PHACTR3: variants seen among roughly 807,000 people sequenced by gnomAD.
PHACTR3 encodes the protein phosphatase and actin regulator 3.
A neutral mutation model predicts 66.8 loss-of-function variants in PHACTR3; 16 were observed. The observed-to-expected ratio is 0.24, with a 90% CI of 0.16 to 0.36. The LOEUF (loss-of-function observed/expected upper bound fraction) is 0.36. PHACTR3 is among the 10% of genes least tolerant of loss of function. PHACTR3 has a pLI of 1.00. For missense variants in PHACTR3, 647 were observed against 719.9 expected, an observed-to-expected ratio of 0.90 and a Z score of 1.16; for synonymous variants, 323 against 292.1, an observed-to-expected ratio of 1.11 and a Z score of -1.08.
chr20:59,824,565 TCCTTTA>T, intron 8 of PHACTR3, among the ~76,000 whole-genome samples: 1 of 152,288 alleles, frequency 6.6e-6, no homozygotes, highest in East Asian at 1.9e-4. Flanking sequence ...TGAACACAGG[TCCTTTA>T]GGCCCAATGG....
chr20:59,743,898 G>T (rs1053733621), intron 2 of PHACTR3, among the ~76,000 whole-genome samples: 7 of 152,176 alleles, frequency 4.6e-5, no homozygotes, highest in Admixed American at 1.3e-4. Flanking sequence ...AAAGCATCCA[G>T]AAGGTTCCTC....
intron 1 of PHACTR3, among the ~76,000 whole-genome samples, chr20:59,723,162 C>T (rs1397048391): frequency 6.2e-5 from 9 of 145,402 alleles, no homozygotes; most frequent in African/African-American, 2.3e-4. Context: ...ACAATTCACC[C>T]TTATACAGTT....
At chr20:59,748,766 C>A (rs1378069491) in intron 3 of PHACTR3, among the ~76,000 whole-genome samples, 2 of 151,402 alleles carry the variant, frequency 1.3e-5, no homozygotes, top group Non-Finnish European at 2.9e-5. Context: ...CCATGCATAG[C>A]CAGTTTCCTG....
chr20:59,692,014 G>A (rs2037125130), intron 1 of PHACTR3, among the ~76,000 whole-genome samples: 1 of 152,202 alleles, frequency 6.6e-6, no homozygotes. Context: ...TTAGAAGAAA[G>A]GACAAAGCTG....
Position 59,755,299 on chromosome 20 carries a change from C to T in PHACTR3, c.476C>T (p.Ala159Val). The change falls in exon 4 of 13, where the codon GCC becomes GTC. Residue 159 changes from alanine (A) to valine (V), a missense_variant. By Grantham distance (64) the Ala-to-Val change is moderately conservative. Around this residue, in one of 2 missense-constraint regions of PHACTR3, gnomAD observed 577 missense variants for 571.1 expected, o/e 1.01. Transcript: ENST00000371015. ...GATGCCCAGCCCGGAAGCCCCTTGG[C>T]CACTGGGACGGACCAGGTCTCCCTG... ...SEDAQPGSPLATGTDQVSLDK... is the reference protein window; with the variant it reads ...SEDAQPGSPLVTGTDQVSLDK... The T allele has an allele frequency of 6.2e-7, 1 of 1,613,264 alleles. No homozygotes were observed. Among genetic ancestry groups the T allele is most frequent in the Non-Finnish European group, 8.5e-7 (1 of 1,179,976 alleles).
At chr20:59,750,458 C>T (rs1195636331) in intron 3 of PHACTR3, among the ~76,000 whole-genome samples, 5 of 152,078 alleles carry the variant, frequency 3.3e-5, no homozygotes, top group Admixed American at 1.3e-4. Flanking sequence ...CAGAAGGAAG[C>T]GGGGAGTGAC....
intron 1 of PHACTR3, among the ~76,000 whole-genome samples, chr20:59,722,756 A>G (rs1183988027): frequency 6.6e-6 from 1 of 151,884 alleles, no homozygotes; most frequent in Admixed American, 6.6e-5. Flanking sequence ...ATGGCGGAAG[A>G]GGAGCCCTCA....
intron 7 of PHACTR3, among the ~76,000 whole-genome samples, chr20:59,782,582 C>G (rs2040760014): frequency 6.6e-6 from 1 of 152,160 alleles, no homozygotes; most frequent in Non-Finnish European, 1.5e-5. Context: ...CTTACAGTTG[C>G]ACCTGCCTGG....
chr20:59,802,713 G>A (rs775572867), intron 7 of PHACTR3, among the ~76,000 whole-genome samples: 6 of 152,192 alleles, frequency 3.9e-5, no homozygotes, highest in South Asian at 2.1e-4. Context: ...AGAAGGAGCC[G>A]GCATTTGCCC....
chr20:59,845,406 C>T (rs956547404), intron 12 of PHACTR3, 141 bp downstream of exon 12: 7 of 577,116 alleles, frequency 1.2e-5, no homozygotes, highest in African/African-American at 5.7e-5. Flanking sequence ...ATAGAATGTA[C>T]CTCAAGTAAG....
chr20:59,729,393 G>A (rs1488989676), intron 1 of PHACTR3, among the ~76,000 whole-genome samples: 3 of 152,124 alleles, frequency 2.0e-5, no homozygotes, highest in Non-Finnish European at 2.9e-5. Context: ...ACCGGGGCAC[G>A]AGTGAGCCAG....
intron 4 of PHACTR3, among the ~76,000 whole-genome samples, chr20:59,765,734 C>T (rs897058763): frequency 6.6e-6 from 1 of 152,198 alleles, no homozygotes; most frequent in Non-Finnish European, 1.5e-5. Context: ...TCCCTGACCA[C>T]TGTGTTTTCA....
intron 5 of PHACTR3, among the ~76,000 whole-genome samples, chr20:59,771,587 C>T (rs1181458665): frequency 2.0e-5 from 3 of 152,038 alleles, no homozygotes; most frequent in Non-Finnish European, 4.4e-5. Context: ...CTCTCGCCCC[C>T]CTCCCTCCAC....
intron 8 of PHACTR3, among the ~76,000 whole-genome samples, chr20:59,819,324 C>G (rs926391447): frequency 7.2e-5 from 11 of 152,060 alleles, no homozygotes; most frequent in African/African-American, 2.7e-4. Context: ...CTGCTATTTT[C>G]CAGATCAGCC....
chr20:59,661,135 G>A (rs906797458), intron 1 of PHACTR3, among the ~76,000 whole-genome samples: 3 of 152,202 alleles, frequency 2.0e-5, no homozygotes, highest in African/African-American at 7.2e-5. Flanking sequence ...AATTGGATTC[G>A]ATTCTAGGGG....
intron 7 of PHACTR3, among the ~76,000 whole-genome samples, chr20:59,799,198 A>AG (rs11398045): frequency 0.97 from 148,367 of 152,184 alleles, 72,355 homozygotes; most frequent in East Asian, 1. Flanking sequence ...TTTCTGGTCC[A>AG]AATATGTCCA....
intron 1 of PHACTR3, among the ~76,000 whole-genome samples, chr20:59,651,827 T>TGGTAGGTA (rs3042679): frequency 9.3e-4 from 137 of 147,812 alleles, no homozygotes; most frequent in South Asian, 2.2e-3. Flanking sequence ...AGGATCTTTT[T>TGGTAGGTA]GGTAGGTAGG....
chr20:59,735,558 G>A (rs2038916613), intron 1 of PHACTR3, among the ~76,000 whole-genome samples: 1 of 152,064 alleles, frequency 6.6e-6, no homozygotes, highest in Non-Finnish European at 1.5e-5. Context: ...GATGAAAGAT[G>A]AGGATGAAAA....
chr20:59,637,288 C>T (rs568651333), intron 1 of PHACTR3, among the ~76,000 whole-genome samples: 21 of 152,330 alleles, frequency 1.4e-4, no homozygotes, highest in African/African-American at 4.8e-4. Flanking sequence ...TCTGCTAGAG[C>T]GATGTCTCTG....
Sources: allele counts gnomAD v4.1 joint callset (sites outside exome capture counted in the v4.1 genomes callset), GRCh38; gene constraint gnomAD v4.1.1; regional missense constraint gnomAD v4.1.1; transcripts MANE v1.5; gene names NCBI Gene and HGNC (gene_info 2026-07-23, HGNC 2026-07-21).